CSMD1: variants seen among roughly 807,000 people sequenced by gnomAD.
CSMD1 encodes the protein CUB and sushi domain-containing protein 1.
CSMD1 carries 213 observed loss-of-function variants against 417.5 expected under a neutral mutation model. The observed-to-expected ratio is 0.51, with a 90% confidence interval of 0.46 to 0.57. CSMD1 has a LOEUF of 0.57. CSMD1 is among the 20% of genes least tolerant of loss of function. The pLI is 0.00. For synonymous variants in CSMD1, 2,862 were observed against 1,736.8 expected (o/e 1.65, Z -16.11); for missense variants, 6,923 against 4,529.7 (o/e 1.53, Z -15.17).
At chr8:4,708,781 G>C (rs1025254334) in intron 1 of CSMD1, among the ~76,000 whole-genome samples, 10 of 152,274 alleles carry the variant, frequency 6.6e-5, no homozygotes, top group African/African-American at 2.4e-4. Flanking sequence ...TATTTGGAGA[G>C]AAGATTTTGT....
chr8:4,480,523 C>T (rs1196462088), intron 2 of CSMD1, among the ~76,000 whole-genome samples: 1 of 152,216 alleles, frequency 6.6e-6, no homozygotes, highest in Non-Finnish European at 1.5e-5. Context: ...ACGGAAATTT[C>T]TCCGCCTTTT....
chr8:3,511,341 G>T (rs527717592), intron 10 of CSMD1, among the ~76,000 whole-genome samples: 1 of 150,804 alleles, frequency 6.6e-6, no homozygotes, highest in Non-Finnish European at 1.5e-5. Context: ...TAACAAACCT[G>T]CACGTTCTGC....
chr8:3,052,395 C>A, intron 50 of CSMD1, 67 bp downstream of exon 50: 8 of 1,326,808 alleles, frequency 6.0e-6, no homozygotes, highest in Non-Finnish European at 8.2e-6. Flanking sequence ...GGAACCCGGA[C>A]TTCTCCCGAA....
chr8:4,695,875 G>A (rs532160399), intron 1 of CSMD1, among the ~76,000 whole-genome samples: 11 of 152,204 alleles, frequency 7.2e-5, no homozygotes, highest in African/African-American at 2.2e-4. Context: ...CCACTCTTTT[G>A]AACATGAGAA....
chr8:4,539,211 C>T (rs1326209491), intron 2 of CSMD1, among the ~76,000 whole-genome samples: 7 of 152,178 alleles, frequency 4.6e-5, no homozygotes, highest in African/African-American at 1.7e-4. Context: ...TTGAGGTTTG[C>T]CACTGCCACA....
At chr8:4,969,870 G>A (rs1182076742) in intron 1 of CSMD1, among the ~76,000 whole-genome samples, 2 of 151,394 alleles carry the variant, frequency 1.3e-5, no homozygotes, top group Admixed American at 6.6e-5. Flanking sequence ...AGGATATAGT[G>A]TCACTACGAG....
chr8:3,742,166 G>C (rs1796839532), intron 6 of CSMD1, among the ~76,000 whole-genome samples: 1 of 152,104 alleles, frequency 6.6e-6, no homozygotes, highest in Admixed American at 6.6e-5. Flanking sequence ...TTTCTGTAAA[G>C]TGAGTCTTCT....
At chr8:4,175,137 G>C (rs1413330587) in intron 3 of CSMD1, among the ~76,000 whole-genome samples, 1 of 151,980 alleles carries the variant, frequency 6.6e-6, no homozygotes, top group Non-Finnish European at 1.5e-5. Context: ...AATAGTGTAA[G>C]ACCTCGACCA....
intron 11 of CSMD1, among the ~76,000 whole-genome samples, chr8:3,474,970 C>G (rs1817322938): frequency 6.6e-6 from 1 of 151,900 alleles, no homozygotes; most frequent in Admixed American, 6.6e-5. Context: ...TTTTTTGCCC[C>G]CAAGCCCTGC....
chr8:4,093,065 T>G (rs996492007), intron 3 of CSMD1, among the ~76,000 whole-genome samples: 1 of 152,204 alleles, frequency 6.6e-6, no homozygotes, highest in Non-Finnish European at 1.5e-5. Flanking sequence ...TTGAACAAGT[T>G]GTGTTCTGAA....
At chr8:4,787,866 T>C (rs1027411542) in intron 1 of CSMD1, 17 of 1,574,512 alleles carry the variant, frequency 1.1e-5, no homozygotes, top group East Asian at 2.2e-5. Context: ...CCCAGAATTG[T>C]ACACTGGTTG....
intron 3 of CSMD1, among the ~76,000 whole-genome samples, chr8:4,257,951 G>A (rs538100730): frequency 6.6e-6 from 1 of 152,058 alleles, no homozygotes; most frequent in Non-Finnish European, 1.5e-5. Flanking sequence ...AAAATCATTA[G>A]AATCTTTGTC....
intron 2 of CSMD1, among the ~76,000 whole-genome samples, chr8:4,430,116 A>G (rs1797788410): frequency 6.6e-6 from 1 of 152,198 alleles, no homozygotes; most frequent in Non-Finnish European, 1.5e-5. Context: ...GTTTATAAAT[A>G]AAGCTAAATG....
chr8:4,318,781 T>A (rs756055371), intron 3 of CSMD1, among the ~76,000 whole-genome samples: 1 of 151,754 alleles, frequency 6.6e-6, no homozygotes, highest in Non-Finnish European at 1.5e-5. Context: ...TATATTGGCA[T>A]TGTATTTACA....
intron 23 of CSMD1, among the ~76,000 whole-genome samples, chr8:3,317,028 T>A (rs549458839): frequency 6.6e-6 from 1 of 152,054 alleles, no homozygotes; most frequent in South Asian, 2.1e-4. Context: ...AAATACTATT[T>A]TGCAAATTGA....
chr8:4,514,547 G>A (rs1430551459), intron 2 of CSMD1, among the ~76,000 whole-genome samples: 4 of 152,126 alleles, frequency 2.6e-5, no homozygotes, highest in Non-Finnish European at 4.4e-5. Flanking sequence ...AACAACTGAC[G>A]CTAATTCCAA....
intron 5 of CSMD1, among the ~76,000 whole-genome samples, chr8:3,877,891 T>C (rs1168137559): frequency 6.6e-6 from 1 of 151,942 alleles, no homozygotes; most frequent in Non-Finnish European, 1.5e-5. Context: ...GAAGGAAAAT[T>C]GTATCTTCAA....
chr8:3,474,242 G>A (rs1219380296), intron 11 of CSMD1, among the ~76,000 whole-genome samples: 4 of 152,088 alleles, frequency 2.6e-5, no homozygotes, highest in Non-Finnish European at 5.9e-5. Context: ...AGGAATGAAT[G>A]AATGAATATA....
Position 4,684,382 on chromosome 8 carries a change from A to C in CSMD1, c.86-46824T>G, listed in dbSNP as rs186272761. Among the ~76,000 whole-genome samples, 297 of 152,300 alleles carry C rather than the reference A, an allele frequency of 2.0e-3. 9 individuals are homozygous for C. The highest frequency in any genetic ancestry group is 1.2e-4 in the Non-Finnish European group (8 of 68,026). The stretch of plus-strand genomic sequence containing the variant: ...CAAAATGAACTCTATGAAGAAACTT[A>C]CTCATCAAATTTCAATACTTTCCAA... On this transcript the variant is annotated intron_variant, in intron 1 of 69. Transcript: ENST00000635120.
Sources: allele counts gnomAD v4.1 joint callset (sites outside exome capture counted in the v4.1 genomes callset), GRCh38; gene constraint gnomAD v4.1.1; transcripts MANE v1.5; gene names NCBI Gene and HGNC (gene_info 2026-07-23, HGNC 2026-07-21).